The following DOCK9 variants were observed in gnomAD, a reference collection of about 807,000 sequenced individuals.
DOCK9 encodes the protein dedicator of cytokinesis 9.
A neutral mutation model predicts 263.3 loss-of-function variants in DOCK9; 89 were observed. The ratio of observed to expected loss-of-function variants is 0.34; its 90% confidence interval spans 0.28 to 0.40. The LOEUF (loss-of-function observed/expected upper bound fraction) is 0.40. DOCK9 is among the 10% of genes least tolerant of loss of function. DOCK9 has a pLI of 1.00. For synonymous variants in DOCK9, 976 were observed against 973.1 expected (o/e 1.00, Z -0.06); for missense variants, 2,140 against 2,603.4 (o/e 0.82, Z 3.87).
rs750191731 is a variant in DOCK9, at chr13:98,884,970, C to T, written c.2382+1G>A. On this transcript the variant is annotated splice_donor_variant, in intron 21 of 52. Coordinates refer to ENST00000682017, the MANE Select transcript of DOCK9 (RefSeq NM_001366683.2). LOFTEE classifies it high-confidence loss of function. The stretch of plus-strand genomic sequence containing the variant: ...TGACCCAATCTTAAAATGGGACATA[C>T]CCTGCCCATCCCAAGCTCCTGGTAG... The T allele has an allele frequency of 1.2e-6, 2 of 1,612,916 alleles. No individual in the cohort carries two copies. The highest frequency in any genetic ancestry group is 1.7e-6 in the Non-Finnish European group (2 of 1,179,446).
chr13:98,917,505 C>A (rs2051078168), intron 7 of DOCK9, among the ~76,000 whole-genome samples: 2 of 152,170 alleles, frequency 1.3e-5, no homozygotes, highest in South Asian at 4.1e-4. Context: ...TAGTGGTGGC[C>A]TTCAGAGAAG....
At chr13:98,955,345 A>G in intron 2 of DOCK9, 90 bp downstream of exon 2, 2 of 844,122 alleles carry the variant, frequency 2.4e-6, no homozygotes, top group Non-Finnish European at 3.5e-6. Flanking sequence ...ATAATAATTA[A>G]CTAACCAAAC....
Position 98,831,434 on chromosome 13 carries a change from T to C in DOCK9, c.4549A>G (p.Thr1517Ala). The C allele has an allele frequency of 6.2e-7, 1 of 1,600,964 alleles. No homozygotes were observed. The highest frequency in any genetic ancestry group is 1.1e-5 in the South Asian group (1 of 88,224). ...CCNSKLSSIR[T>A]EASQLLYFLM... Reference sequence around the variant, plus strand: ...AAGTAGAGCAGCTGGGAGGCCTCCGTCCTGATGGAGCTCAGCTTGGAGTTA... The same window carrying C: ...AAGTAGAGCAGCTGGGAGGCCTCCGCCCTGATGGAGCTCAGCTTGGAGTTA... Residue 1517 changes from threonine to alanine, a missense_variant, in exon 41 of 53, where the codon ACG becomes GCG. By Grantham distance (58) the Thr-to-Ala change is moderately conservative. Around this residue, in one of 2 missense-constraint regions of DOCK9, gnomAD observed 619 missense variants for 861.8 expected, o/e 0.72. Coordinates refer to ENST00000682017, the MANE Select transcript of DOCK9 (RefSeq NM_001366683.2).
At chr13:98,926,991 A>G (rs1324004044) in intron 3 of DOCK9, among the ~76,000 whole-genome samples, 1 of 152,228 alleles carries the variant, frequency 6.6e-6, no homozygotes, top group Non-Finnish European at 1.5e-5. Flanking sequence ...TCCACCTCCA[A>G]ACTCATGAAA....
chr13:98,811,136 G>C (rs1566560639), intron 45 of DOCK9, among the ~76,000 whole-genome samples: 2 of 152,174 alleles, frequency 1.3e-5, no homozygotes, highest in Non-Finnish European at 2.9e-5. Flanking sequence ...TAAAGGTTTG[G>C]ATTGATTGAT....
chr13:98,866,020 C>T (rs944432848), intron 30 of DOCK9, among the ~76,000 whole-genome samples: 1 of 152,222 alleles, frequency 6.6e-6, no homozygotes. Context: ...TCAGGGGACA[C>T]TGAATACCTA....
intron 1 of DOCK9, among the ~76,000 whole-genome samples, chr13:99,029,919 G>A (rs1437933744): frequency 6.6e-6 from 1 of 152,098 alleles, no homozygotes; most frequent in East Asian, 1.9e-4. Context: ...AACAAAATGT[G>A]GTTTATCCAG....
intron 35 of DOCK9, among the ~76,000 whole-genome samples, chr13:98,851,937 A>G (rs1163300925): frequency 6.6e-6 from 1 of 152,218 alleles, no homozygotes; most frequent in East Asian, 1.9e-4. Flanking sequence ...TAACTTGAAG[A>G]AAATTGAGAG....
At chr13:98,995,264 G>T (rs1309614104) in intron 1 of DOCK9, among the ~76,000 whole-genome samples, 3 of 152,088 alleles carry the variant, frequency 2.0e-5, no homozygotes, top group Non-Finnish European at 2.9e-5. Flanking sequence ...ACATTACAGT[G>T]GTTCATCATA....
At chr13:98,797,740 G>A (rs1427301790) in intron 50 of DOCK9, among the ~76,000 whole-genome samples, 1 of 152,126 alleles carries the variant, frequency 6.6e-6, no homozygotes, top group Non-Finnish European at 1.5e-5. Context: ...CCAATGCTTG[G>A]AAAACTTAGG....
chr13:98,867,878 G>T, intron 29 of DOCK9, 50 bp downstream of exon 29: 1 of 1,490,102 alleles, frequency 6.7e-7, no homozygotes, highest in South Asian at 1.2e-5. Flanking sequence ...AATTCTACCA[G>T]AGAAAGGCTA....
rs565691367 is a variant in DOCK9 at position 99,066,848 on chromosome 13, C to T, written c.129+19375G>A. Reference sequence around the variant, plus strand: ...GAGTCCTGACCCACAATTCTCACTGCATGTATCTCATTCATGGTAATTTCT... The same window carrying T: ...GAGTCCTGACCCACAATTCTCACTGTATGTATCTCATTCATGGTAATTTCT... On this transcript the variant is annotated intron_variant, in intron 1 of 32. Transcript: ENST00000427887. Among the ~76,000 whole-genome samples, 6 of 152,300 alleles carry T rather than the reference C, an allele frequency of 3.9e-5. No individual in the cohort carries two copies. The East Asian group carries it at 1.2e-3, about 29-fold the overall frequency.
intron 2 of DOCK9, among the ~76,000 whole-genome samples, chr13:98,944,001 A>T (rs1487050365): frequency 6.6e-6 from 1 of 152,242 alleles, no homozygotes; most frequent in African/African-American, 2.4e-5. Context: ...CACTAATCAC[A>T]TAGATAAAAT....
At chr13:99,052,767 C>CT (rs538480665) in intron 1 of DOCK9, among the ~76,000 whole-genome samples, 1,855 of 139,310 alleles carry the variant, frequency 0.013, 27 homozygotes, top group African/African-American at 0.036. Flanking sequence ...CACCAGCCTT[C>CT]TTTTTTTTTT....
At chr13:98,953,005 A>G (rs1460091956) in intron 2 of DOCK9, among the ~76,000 whole-genome samples, 8 of 152,202 alleles carry the variant, frequency 5.3e-5, no homozygotes, top group Non-Finnish European at 1.0e-4. Context: ...TTCTGCTCTT[A>G]TTCTGCCTAA....
chr13:98,869,139 C>T (rs1283903255), intron 27 of DOCK9, among the ~76,000 whole-genome samples: 1 of 152,220 alleles, frequency 6.6e-6, no homozygotes, highest in Non-Finnish European at 1.5e-5. Context: ...GATGACCGTG[C>T]ATGATTAGTT....
rs368104698 is a variant in DOCK9 at position 98,977,848 on chromosome 13, G to C, written c.62C>G (p.Ser21Cys). 2.4e-5 allele frequency: 39 copies of C among 1,607,540 alleles called. No homozygotes were observed. The African/African-American group carries it at 3.1e-4, about 13-fold the overall frequency. ...RSVKKELVIE[S>C]PLQYKDAAQG... ...AGCTGCATCCTTGTATTGCAGGGGGGACTCAATCACCAGTTCCTTTTTGAC... is the reference window on the plus strand; with the variant it reads ...AGCTGCATCCTTGTATTGCAGGGGGCACTCAATCACCAGTTCCTTTTTGAC... The change falls in exon 1 of 53, where the codon TCC becomes TGC. Residue 21 changes from serine to cysteine, a missense_variant. Physicochemically the swap from Ser to Cys is moderately radical, Grantham distance 112. Around this residue, in one of 2 missense-constraint regions of DOCK9, gnomAD observed 1,521 missense variants for 1,741.7 expected, o/e 0.87. Coordinates refer to ENST00000682017, the MANE Select transcript of DOCK9 (RefSeq NM_001366683.2).
At chr13:99,086,301 G>A (rs1487713130) in exon 1 of DOCK9, 2 of 1,488,134 alleles carry the variant, frequency 1.3e-6, no homozygotes, top group Non-Finnish European at 1.8e-6. Context: ...TCAGCGCCCG[G>A]GTGAACTTCC....
chr13:99,008,298 T>C (rs967759495), intron 1 of DOCK9, among the ~76,000 whole-genome samples: 4 of 149,928 alleles, frequency 2.7e-5, no homozygotes, highest in Non-Finnish European at 5.9e-5. Context: ...AATGGTGTGA[T>C]CTCAGCTCAC....
Sources: gnomAD v4.1 joint callset for allele counts (sites outside exome capture counted in the v4.1 genomes callset) on GRCh38, gnomAD v4.1.1 for gene constraint, gnomAD v4.1.1 regional missense constraint, MANE v1.5 for transcripts, NCBI Gene and HGNC (gene_info 2026-07-23, HGNC 2026-07-21) for gene names.